The following BAALC variants were observed in gnomAD, a reference collection of about 807,000 sequenced individuals.
BAALC encodes the protein BAALC binder of MAP3K1 and KLF4.
A neutral mutation model predicts 15.5 loss-of-function variants in BAALC; 9 were observed. The observed-to-expected ratio is 0.58, with a 90% CI of 0.35 to 1.02. The LOEUF is 1.02. Ranked by LOEUF, BAALC falls within the 50% of genes least tolerant of loss-of-function variation. The pLI is 0.02. For synonymous variants in BAALC, 80 were observed against 74.6 expected, an observed-to-expected ratio of 1.07 and a Z score of -0.37; for missense variants, 201 against 192.4, an observed-to-expected ratio of 1.04 and a Z score of -0.27.
At chr8:103,226,762 A>AT (rs1473559904) in intron 2 of BAALC, among the ~76,000 whole-genome samples, 1 of 152,014 alleles carries the variant, frequency 6.6e-6, no homozygotes, top group Non-Finnish European at 1.5e-5. Flanking sequence ...TTTTAAGCTT[A>AT]TTTTTTTCCC....
chr8:103,158,597 T>C (rs913664508), intron 1 of BAALC, among the ~76,000 whole-genome samples: 6 of 152,172 alleles, frequency 3.9e-5, no homozygotes, highest in Non-Finnish European at 1.5e-5. Context: ...ACAATTGATC[T>C]GAACACCAAG....
At chr8:103,169,922 C>G (rs147153256) in intron 1 of BAALC, among the ~76,000 whole-genome samples, 10 of 152,240 alleles carry the variant, frequency 6.6e-5, no homozygotes, top group African/African-American at 2.2e-4. Flanking sequence ...TTTCTCTCCC[C>G]CTTCCAAAGG....
At chr8:103,149,049 A>G (rs1366786865) in intron 1 of BAALC, among the ~76,000 whole-genome samples, 1 of 152,216 alleles carries the variant, frequency 6.6e-6, no homozygotes, top group African/African-American at 2.4e-5. Flanking sequence ...AGTGAGATGA[A>G]GAGACTGAGC....
In BAALC at chr8:103,228,099, G is replaced by A; in HGVS notation, c.438G>A (p.Ter146=). Residue 146 remains the stop codon, a stop_retained_variant, in exon 3 of 3, where the codon TAG becomes TAA. Coordinates refer to ENST00000309982, the MANE Select transcript of BAALC (RefSeq NM_024812.3). ...SRRITKNCVN[*] ...GAATCACAAAGAACTGTGTCAACTA[G>A]CAGAGAGTCCAAGCAGAAGGGCAGA... 5 of 1,597,800 alleles carry A rather than the reference G, an allele frequency of 3.1e-6. No homozygotes were observed. Among genetic ancestry groups the A allele is most frequent in the Non-Finnish European group, 4.3e-6 (5 of 1,165,830 alleles).
At chr8:103,189,991 G>A (rs1811930441) in intron 1 of BAALC, among the ~76,000 whole-genome samples, 1 of 152,144 alleles carries the variant, frequency 6.6e-6, no homozygotes, top group Non-Finnish European at 1.5e-5. Context: ...TACCTTTCCA[G>A]TGGAAGCATA....
At chr8:103,199,137 G>A (rs946058698) in intron 1 of BAALC, among the ~76,000 whole-genome samples, 1 of 152,148 alleles carries the variant, frequency 6.6e-6, no homozygotes, top group African/African-American at 2.4e-5. Context: ...TTTGTGCAAT[G>A]GTTAAGAGGT....
intron 1 of BAALC, among the ~76,000 whole-genome samples, chr8:103,178,492 G>A (rs1811652081): frequency 1.3e-5 from 2 of 152,122 alleles, no homozygotes; most frequent in Non-Finnish European, 2.9e-5. Context: ...TACCATTGGG[G>A]GAAATTAGAA....
At chr8:103,208,041 G>T (rs1367479304) in intron 1 of BAALC, among the ~76,000 whole-genome samples, 1 of 152,196 alleles carries the variant, frequency 6.6e-6, no homozygotes, top group Non-Finnish European at 1.5e-5. Flanking sequence ...AGCTGGCCCT[G>T]GTTGTCACAG....
chr8:103,161,879 C>T (rs1811232702), intron 1 of BAALC, among the ~76,000 whole-genome samples: 2 of 152,148 alleles, frequency 1.3e-5, no homozygotes, highest in Non-Finnish European at 2.9e-5. Flanking sequence ...AAGTTGCCAT[C>T]TTTTTATACA....
intron 1 of BAALC, among the ~76,000 whole-genome samples, chr8:103,206,816 C>A (rs1274298190): frequency 6.6e-6 from 1 of 152,054 alleles, no homozygotes; most frequent in African/African-American, 2.4e-5. Flanking sequence ...AGGAGCTGAG[C>A]AAAGATGTGG....
At chr8:103,190,539 T>C (rs992759811) in intron 1 of BAALC, among the ~76,000 whole-genome samples, 1 of 152,238 alleles carries the variant, frequency 6.6e-6, no homozygotes, top group Non-Finnish European at 1.5e-5. Context: ...TTAGCAATTA[T>C]CTAGGGGTAT....
At chr8:103,206,792 G>C (rs1459379312) in intron 1 of BAALC, among the ~76,000 whole-genome samples, 1 of 152,134 alleles carries the variant, frequency 6.6e-6, no homozygotes, top group Non-Finnish European at 1.5e-5. Context: ...AGAGAAGCAG[G>C]ATGGGGCAGG....
chr8:103,208,323 A>G (rs1017247986), intron 1 of BAALC: 1 of 152,254 alleles, frequency 6.6e-6, no homozygotes, highest in African/African-American at 2.4e-5. Flanking sequence ...TTAAGAAACC[A>G]AAGTTGTAAT....
At chr8:103,198,069 T>A (rs1255064845) in intron 1 of BAALC, 1 of 693,812 alleles carries the variant, frequency 1.4e-6, no homozygotes, top group Non-Finnish European at 2.6e-6. Flanking sequence ...CGAACAACTA[T>A]AATTTTTTTC....
rs963158459 is a variant in BAALC at position 103,229,036 on chromosome 8, T to A, written c.*937T>A. 5.2e-5 allele frequency: 8 copies of A among 152,482 alleles called. No homozygotes were observed. The highest frequency in any genetic ancestry group is 1.2e-4 in the Non-Finnish European group (8 of 68,236). The allele number at this position is 152,482 out of a possible 1,614,324, so 9.4% of individuals were successfully genotyped here. A position where few individuals can be genotyped will look rare whatever the true frequency, so the allele number is the denominator to read the frequency against. ...GCAGGCATGGCTTCCCCTTGGCCTC[T>A]CTGTACACTGCCCCAGGACTGTCAT... On this transcript the variant is annotated 3_prime_UTR_variant, in exon 3 of 3. Transcript: ENST00000309982.
chr8:103,150,830 C>T (rs994485457), intron 1 of BAALC, among the ~76,000 whole-genome samples: 5 of 152,162 alleles, frequency 3.3e-5, no homozygotes, highest in African/African-American at 9.7e-5. Flanking sequence ...TACAGCCACA[C>T]CCACAGGATC....
chr8:103,168,162 G>A (rs974128177), intron 1 of BAALC, among the ~76,000 whole-genome samples: 68 of 152,184 alleles, frequency 4.5e-4, no homozygotes, highest in African/African-American at 1.5e-3. Flanking sequence ...GGCTTGCTAT[G>A]AAAATCAACC....
At chr8:103,165,797 T>C (rs1586389275) in intron 1 of BAALC, 1 of 152,236 alleles carries the variant, frequency 6.6e-6, no homozygotes, top group African/African-American at 2.4e-5. Flanking sequence ...GCTTGGCAGA[T>C]GAGCCACACT....
At chr8:103,158,592 TG>T (rs1448268546) in intron 1 of BAALC, among the ~76,000 whole-genome samples, 1 of 152,152 alleles carries the variant, frequency 6.6e-6, no homozygotes, top group Non-Finnish European at 1.5e-5. Flanking sequence ...CCTGGACAAT[TG>T]ATCTGAACAC....
Sources: gnomAD v4.1 joint callset for allele counts (sites outside exome capture counted in the v4.1 genomes callset) on GRCh38, gnomAD v4.1.1 for gene constraint, MANE v1.5 for transcripts, NCBI Gene and HGNC (gene_info 2026-07-23, HGNC 2026-07-21) for gene names.